The following FRYL variants were observed in gnomAD, a reference collection of about 807,000 sequenced individuals.
FRYL encodes protein furry homolog-like.
A neutral mutation model predicts 351.2 loss-of-function variants in FRYL; 150 were observed. The ratio of observed to expected loss-of-function variants is 0.43; its 90% confidence interval spans 0.37 to 0.49. The LOEUF (loss-of-function observed/expected upper bound fraction) is 0.49. Ranked by LOEUF, FRYL falls within the 20% of genes least tolerant of loss-of-function variation. FRYL has a pLI of 0.00. For synonymous variants in FRYL, 1,153 were observed against 1,257.1 expected, an observed-to-expected ratio of 0.92 and a Z score of 1.75; for missense variants, 3,036 against 3,619.3, an observed-to-expected ratio of 0.84 and a Z score of 4.13.
rs1265906698 is a variant in FRYL, at chr4:48,605,706, C to T, written c.834+35G>A. ...TAAGGTTGATAAGGTTCTTGTATAA[C>T]ACACAAATGGTATGAAAATAAGAAA... is the stretch of plus-strand genomic sequence containing the variant. On this transcript the variant is annotated intron_variant, in intron 11 of 63. Transcript: ENST00000358350. 1.3e-5 allele frequency: 17 copies of T among 1,305,112 alleles called. No homozygotes were observed. In the East Asian group the frequency reaches 2.1e-4, roughly 16 times the overall value. The allele number at this position is 1,305,112 out of a possible 1,614,324, so 80.8% of individuals were successfully genotyped here. A position where few individuals can be genotyped will look rare whatever the true frequency, so the allele number is the denominator to read the frequency against.
At chr4:48,556,495 C>T (rs751794199) in intron 35 of FRYL, among the ~76,000 whole-genome samples, 1 of 152,200 alleles carries the variant, frequency 6.6e-6, no homozygotes, top group South Asian at 2.1e-4. Flanking sequence ...TGAGCTCACA[C>T]TCACCATCCT....
intron 3 of FRYL, among the ~76,000 whole-genome samples, chr4:48,641,696 C>G (rs892218667): frequency 6.6e-6 from 1 of 152,166 alleles, no homozygotes; most frequent in Non-Finnish European, 1.5e-5. Context: ...ATCCTGGTTG[C>G]TAAGAACTTT....
chr4:48,534,641 C>A lies in FRYL; in HGVS notation c.6609G>T (p.Gln2203His). 6.3e-7 allele frequency: 1 copy of A among 1,591,266 alleles called. No individual in the cohort carries two copies. Among genetic ancestry groups the A allele is most frequent in the Non-Finnish European group, 8.6e-7 (1 of 1,159,586 alleles). The change falls in exon 49 of 64, where the codon CAG (glutamine) becomes CAT (histidine). Residue 2203 changes from glutamine (Q) to histidine (H), a missense_variant. This residue lies in a region of FRYL where 1,987 missense variants were observed against 2,311.7 expected (regional missense o/e 0.86). Coordinates refer to ENST00000358350, the MANE Select transcript of FRYL (RefSeq NM_015030.2). ...GLSSMQQSLL[Q>H]IIYSLLSHID... is the part of the protein sequence containing the mutation. ...TATGACTCAATAGACTATAAATAAT[C>A]TGTAGTAATGATTGCTGCATACTGG...
At chr4:48,683,937 C>T (rs1216180580) in intron 3 of FRYL, among the ~76,000 whole-genome samples, 3 of 152,124 alleles carry the variant, frequency 2.0e-5, no homozygotes, top group Admixed American at 6.5e-5. Flanking sequence ...CCCCAGGTCC[C>T]TCTGCAGGTT....
chr4:48,583,328 T>G (rs1429132052), intron 19 of FRYL, among the ~76,000 whole-genome samples: 1 of 152,048 alleles, frequency 6.6e-6, no homozygotes, highest in African/African-American at 2.4e-5. Flanking sequence ...ATTTTTTGTA[T>G]TTTTAGTAGA....
In FRYL at chr4:48,571,740, G is replaced by A. The variant is rs970532499; in HGVS notation, c.2905-822C>T. The A allele has an allele frequency of 5.2e-6, 5 of 969,242 alleles. No homozygotes were observed. The African/African-American group carries it at 5.3e-5, about 10-fold the overall frequency. The allele number at this position is 969,242 out of a possible 1,614,324, so 60.0% of individuals were successfully genotyped here. On this transcript the variant is annotated intron_variant, in intron 26 of 63. Transcript: ENST00000358350. ...GACAGCAATTCATTTGAAACAGGAT[G>A]ATTTCTTATCAGTCTTTGAAGATTT...
intron 1 of FRYL, among the ~76,000 whole-genome samples, chr4:48,742,973 ATTTTTTTTTTTT>A (rs71191256): frequency 3.7e-5 from 3 of 81,750 alleles, no homozygotes; most frequent in East Asian, 4.5e-4. Context: ...CGCCTGGATA[ATTTTTTTTTTTT>A]TTTTTTTTTT....
Position 48,674,630 on chromosome 4 carries a change from G to C in FRYL, c.-81+10043C>G, listed in dbSNP as rs905769148. Among the ~76,000 whole-genome samples, 4 of 149,826 alleles carry C rather than the reference G, an allele frequency of 2.7e-5. 1 individual carries two copies. The highest frequency in any genetic ancestry group is 4.2e-4 in the South Asian group (2 of 4,712). On this transcript the variant is annotated intron_variant, in intron 3 of 63. Transcript: ENST00000358350. ...CGGGCTCCTGTAGTCCCAGCTACTCGGGAGGCTGAGGCAGGAGAATGACGT... is the reference window on the plus strand; with the variant it reads ...CGGGCTCCTGTAGTCCCAGCTACTCCGGAGGCTGAGGCAGGAGAATGACGT...
rs956515966 is a variant in FRYL at position 48,772,861 on chromosome 4, TAAC to T, written c.-384+7214_-384+7216del. Among the ~76,000 whole-genome samples the T allele has an allele frequency of 1.3e-4, 20 of 152,296 alleles. No individual in the cohort carries two copies. In the South Asian group the frequency reaches 2.3e-3, roughly 17 times the overall value. ...TTTTTCATCAACTTTCAGATGCTTT[TAAC>T]AACAACAACACTTTTAACCTTTCTG... On this transcript the variant is annotated intron_variant, in intron 1 of 63. Coordinates refer to ENST00000358350, the MANE Select transcript of FRYL (RefSeq NM_015030.2).
intron 24 of FRYL, among the ~76,000 whole-genome samples, chr4:48,575,601 T>C (rs1425836942): frequency 2.6e-5 from 4 of 152,190 alleles, no homozygotes; most frequent in Admixed American, 2.6e-4. Context: ...TGGTCTTAAG[T>C]TTTGTCATTT....
intron 26 of FRYL, among the ~76,000 whole-genome samples, chr4:48,571,139 C>A (rs1738227499): frequency 2.0e-5 from 3 of 152,260 alleles, no homozygotes; most frequent in African/African-American, 4.8e-5. Context: ...ATGGTGACAA[C>A]CCCTGTGTGT....
At chr4:48,500,301 G>C in intron 62 of FRYL, 81 bp from the exon 63 acceptor site, 1 of 788,492 alleles carries the variant, frequency 1.3e-6, no homozygotes, top group Non-Finnish European at 2.0e-6. Context: ...TATACCTGAT[G>C]GCAGTAGCAT....
intron 3 of FRYL, among the ~76,000 whole-genome samples, chr4:48,644,913 A>G (rs778852555): frequency 6.6e-4 from 100 of 151,832 alleles, no homozygotes; most frequent in Non-Finnish European, 9.4e-4. Context: ...AGTTGGAGAA[A>G]TATTTATAAT....
intron 57 of FRYL, 65 bp downstream of exon 57, chr4:48,512,416 G>T: frequency 1.5e-6 from 2 of 1,308,944 alleles, no homozygotes; most frequent in African/African-American, 1.5e-5. Flanking sequence ...GCTGATTTTA[G>T]AAGAAAAACT....
At chr4:48,591,220 C>G (rs1248436626) in intron 16 of FRYL, among the ~76,000 whole-genome samples, 1 of 152,188 alleles carries the variant, frequency 6.6e-6, no homozygotes, top group African/African-American at 2.4e-5. Flanking sequence ...CACTAATTTA[C>G]TTATACCTGC....
chr4:48,515,812 T>TA (rs1723467308), intron 55 of FRYL, among the ~76,000 whole-genome samples: 1 of 152,224 alleles, frequency 6.6e-6, no homozygotes, highest in South Asian at 2.1e-4. Flanking sequence ...TTTAGGTGTT[T>TA]ACTTGGAAAT....
Position 48,567,520 on chromosome 4 carries a change from T to G in FRYL, c.2997-100A>C, listed in dbSNP as rs1458077077. Reference sequence around the variant, plus strand: ...AAATCAGAATAATACATGTTAATTTTGCATGCTCATGGCAGCACGCAACTT... The same window carrying G: ...AAATCAGAATAATACATGTTAATTTGGCATGCTCATGGCAGCACGCAACTT... On this transcript the variant is annotated intron_variant, in intron 27 of 63. Transcript: ENST00000358350. The surrounding 1 kb of genome is among the most constrained non-coding windows in gnomAD (Gnocchi z 4.2). 1.6e-5 allele frequency: 13 copies of G among 811,374 alleles called. No individual in the cohort carries two copies. The highest frequency in any genetic ancestry group is 1.4e-4 in the Admixed American group (4 of 29,288). The allele number at this position is 811,374 out of a possible 1,614,324, so 50.3% of individuals were successfully genotyped here.
chr4:48,626,479 A>C (rs1452426562), intron 4 of FRYL, among the ~76,000 whole-genome samples: 3 of 152,054 alleles, frequency 2.0e-5, no homozygotes, highest in Non-Finnish European at 4.4e-5. Context: ...CAAATTAATC[A>C]AACCATTACA....
At chr4:48,602,180 T>C in intron 12 of FRYL, 59 bp from the exon 13 acceptor site, 1 of 828,038 alleles carries the variant, frequency 1.2e-6, no homozygotes, top group East Asian at 2.5e-5. Context: ...ACTGGACTTT[T>C]AAATTTTATA....
Sources: allele counts gnomAD v4.1 joint callset (sites outside exome capture counted in the v4.1 genomes callset), GRCh38; gene constraint gnomAD v4.1.1; regional missense constraint gnomAD v4.1.1; non-coding constraint Gnocchi (gnomAD v3.1); transcripts MANE v1.5; gene names NCBI Gene and HGNC (gene_info 2026-07-23, HGNC 2026-07-21).